Variants in MTIF3 observed in about 807,000 individuals in gnomAD.
The protein encoded by MTIF3 is translation initiation factor IF-3, mitochondrial.
In MTIF3, 13 loss-of-function variants were observed where a neutral mutation model predicts 20.7. The ratio of observed to expected loss-of-function variants is 0.63; its 90% CI spans 0.41 to 1.00. The LOEUF (loss-of-function observed/expected upper bound fraction) is 1.00. Among genes scored for constraint, MTIF3 ranks in the 50% least tolerant of loss-of-function variants. The probability of loss-of-function intolerance (pLI) is 0.00; values close to 1 mark genes in which losing one functional copy is unlikely to be tolerated. For synonymous variants in MTIF3, 114 were observed against 112.5 expected (o/e 1.01, Z -0.08); for missense variants, 295 against 324.5 (o/e 0.91, Z 0.70).
chr13:27,436,315 G>C (rs2138045996), intron 4 of MTIF3, among the ~76,000 whole-genome samples: 1 of 152,132 alleles, frequency 6.6e-6, no homozygotes, highest in South Asian at 2.1e-4. Context: ...AAGAAATTCT[G>C]CATCAGCTGG....
rs1423806643 is a variant in MTIF3, at chr13:27,435,897, A to T, written c.619-4T>A. The T allele has an allele frequency of 6.2e-6, 10 of 1,602,728 alleles. No homozygotes were observed. The highest frequency in any genetic ancestry group is 2.7e-5 in the African/African-American group (2 of 74,596). On this transcript the variant is annotated splice_polypyrimidine_tract_variant and splice_region_variant and intron_variant, in intron 4 of 4. Transcript: ENST00000381120. ...GTATTTGATGAAATATCTCCTCCTAAAAAAGGGAAACAGCCAAAGATTAAT... is the reference window on the plus strand; with the variant it reads ...GTATTTGATGAAATATCTCCTCCTATAAAAGGGAAACAGCCAAAGATTAAT...
intron 4 of MTIF3, among the ~76,000 whole-genome samples, chr13:27,436,336 A>G (rs898903894): frequency 6.6e-6 from 1 of 152,124 alleles, no homozygotes; most frequent in Admixed American, 6.5e-5. Flanking sequence ...GTTGCGACCT[A>G]TGCTTAAGTG....
chr13:27,450,559 A>T lies in MTIF3; in HGVS notation c.-121T>A, dbSNP rs767659015. 3.6e-5 allele frequency: 5 copies of T among 139,522 alleles called. No homozygotes were observed. Among genetic ancestry groups the T allele is most frequent in the African/African-American group, 6.8e-5 (2 of 29,444 alleles). The allele number at this position is 139,522 out of a possible 1,614,324, so 8.6% of individuals were successfully genotyped here. ...ACTGTAGCGGACGCAAGTACAGCGGATCTGCGGCGAGTCCCCTTCGCTCTC... is the reference window on the plus strand; with the variant it reads ...ACTGTAGCGGACGCAAGTACAGCGGTTCTGCGGCGAGTCCCCTTCGCTCTC... On this transcript the variant is annotated 5_prime_UTR_variant, in exon 1 of 5. Coordinates refer to ENST00000381120, the MANE Select transcript of MTIF3 (RefSeq NM_152912.5).
In MTIF3 at chr13:27,441,079, TGAG is replaced by T. The variant is rs141930330; in HGVS notation, c.-1-633_-1-631del. 1,508 of 155,748 alleles carry T rather than the reference TGAG, an allele frequency of 9.7e-3. 25 individuals are homozygous for T. The highest frequency in any genetic ancestry group is 0.035 in the African/African-American group (1,436 of 41,562). The allele number at this position is 155,748 out of a possible 1,614,324, so 9.6% of individuals were successfully genotyped here. A position where few individuals can be genotyped will look rare whatever the true frequency, so the allele number is the denominator to read the frequency against. ...CTCATTGTCTTCACATCAAGTAGGC[TGAG>T]GAGGAGGAGCAAGAGGAGGGGTTGG... On this transcript the variant is annotated intron_variant, in intron 2 of 4. Transcript: ENST00000381120.
At chr13:27,442,099 T>C (rs9581853) in intron 2 of MTIF3, among the ~76,000 whole-genome samples, 15,186 of 152,260 alleles carry the variant, frequency 0.1, 1,123 homozygotes, top group Non-Finnish European at 0.15. Flanking sequence ...CACTTAGATA[T>C]GTAATAGTCA....
Position 27,440,217 on chromosome 13 carries a change from C to T in MTIF3, c.232G>A (p.Val78Ile), listed in dbSNP as rs138197934. The T allele has an allele frequency of 1.9e-5, 30 of 1,614,056 alleles. No homozygotes were observed. The highest frequency in any genetic ancestry group is 8.9e-5 in the East Asian group (4 of 44,906). ...TKKNKTAFSN[V>I]GRKISQRVIH... ...ACTCGCTGACTAATTTTTCTTCCAA[C>T]GTTACTAAAAGCTGTTTTATTCTTT... Residue 78 changes from valine to isoleucine, a missense_variant, in exon 3 of 5, where the codon GTT becomes ATT. Val to Ile is a conservative substitution (Grantham distance 29, BLOSUM62 3). Transcript: ENST00000381120.
intron 2 of MTIF3, among the ~76,000 whole-genome samples, chr13:27,444,074 T>C (rs542520050): frequency 1.1e-3 from 171 of 152,110 alleles, no homozygotes; most frequent in African/African-American, 3.7e-3. Context: ...GAGGCTGAGG[T>C]GGGCGGATCA....
At chr13:27,442,645 C>T (rs1218305228) in intron 2 of MTIF3, among the ~76,000 whole-genome samples, 3 of 152,174 alleles carry the variant, frequency 2.0e-5, no homozygotes, top group Non-Finnish European at 2.9e-5. Flanking sequence ...CACACCCCTC[C>T]TCTGGGTCCT....
At chr13:27,447,450 T>C (rs1471594738) in intron 1 of MTIF3, among the ~76,000 whole-genome samples, 4 of 152,192 alleles carry the variant, frequency 2.6e-5, no homozygotes, top group Non-Finnish European at 5.9e-5. Context: ...CCTGTTGCAT[T>C]TGCTGCACTC....
Position 27,437,188 on chromosome 13 carries a change from C to T in MTIF3, c.546G>A (p.Trp182Ter). 6.2e-7 allele frequency: 1 copy of T among 1,613,856 alleles called. No homozygotes were observed. Among genetic ancestry groups the T allele is most frequent in the Non-Finnish European group, 8.5e-7 (1 of 1,179,890 alleles). The change falls in exon 4 of 5, where the codon TGG (tryptophan) becomes TGA (stop). Residue 182 changes from tryptophan (W) to a stop codon, truncating the protein, a stop_gained. Coordinates refer to ENST00000381120, the MANE Select transcript of MTIF3 (RefSeq NM_152912.5). LOFTEE classifies it high-confidence loss of function. ...LDTKTKQIQQ[W>*]IKKKHLVQIT... ...TCTGGACTAGGTGTTTTTTCTTAAT[C>T]CACTGCTGAATCTGTTTAGTCTTTG...
Sources: allele counts gnomAD v4.1 joint callset (sites outside exome capture counted in the v4.1 genomes callset), GRCh38; gene constraint gnomAD v4.1.1; transcripts MANE v1.5; gene names NCBI Gene and HGNC (gene_info 2026-07-23, HGNC 2026-07-21).